Variants in EVA1C observed in about 807,000 individuals in gnomAD.
EVA1C encodes the protein eva-1 homolog C, also known as protein eva-1 homolog C.
EVA1C carries 25 observed loss-of-function variants against 45.4 expected under a neutral mutation model. The ratio of observed to expected loss-of-function variants is 0.55; its 90% CI spans 0.40 to 0.77. EVA1C has a LOEUF of 0.77. Among genes scored for constraint, EVA1C ranks in the 30% least tolerant of loss-of-function variants. The probability of loss-of-function intolerance (pLI) is 0.00; values close to 1 mark genes in which losing one functional copy is unlikely to be tolerated. For synonymous variants in EVA1C, 190 were observed against 221.2 expected (o/e 0.86, Z 1.25); for missense variants, 479 against 554.8 (o/e 0.86, Z 1.37).
intron 1 of EVA1C, among the ~76,000 whole-genome samples, chr21:32,426,227 C>T (rs528834808): frequency 4.6e-5 from 7 of 152,228 alleles, no homozygotes; most frequent in Admixed American, 4.6e-4. Context: ...GACTCTTGGC[C>T]ATCATTAACG....
chr21:32,463,861 C>G (rs1225651466), intron 3 of EVA1C, among the ~76,000 whole-genome samples: 2 of 152,124 alleles, frequency 1.3e-5, no homozygotes, highest in Non-Finnish European at 2.9e-5. Flanking sequence ...CTGCCTTCTC[C>G]CATCCTCTTT....
At chr21:32,511,999 TA>T (rs996764399) in intron 7 of EVA1C, among the ~76,000 whole-genome samples, 2 of 150,882 alleles carry the variant, frequency 1.3e-5, no homozygotes, top group African/African-American at 2.4e-5. Flanking sequence ...GATATTAAAT[TA>T]AAAAAAAACA....
chr21:32,509,315 G>T (rs2037870691), intron 7 of EVA1C, among the ~76,000 whole-genome samples: 1 of 152,206 alleles, frequency 6.6e-6, no homozygotes, highest in African/African-American at 2.4e-5. Flanking sequence ...CATCTCTGGT[G>T]GCTGCATCTC....
chr21:32,488,561 G>A (rs1176572376), intron 4 of EVA1C, among the ~76,000 whole-genome samples: 3 of 150,458 alleles, frequency 2.0e-5, no homozygotes. Flanking sequence ...TAGTGATGTT[G>A]GGCACCTTTC....
At chr21:32,471,405 C>T (rs973755298) in intron 4 of EVA1C, among the ~76,000 whole-genome samples, 24 of 151,288 alleles carry the variant, frequency 1.6e-4, no homozygotes, top group African/African-American at 5.3e-4. Context: ...CGGCTCACTG[C>T]AACCTCCACC....
At position 32,445,107 on chromosome 21, in the gene EVA1C, A is replaced by G. The variant is rs145383992; in HGVS notation, c.161-8205A>G. 2.1e-3 allele frequency among the ~76,000 whole-genome samples: 314 copies of G among 152,302 alleles called. 2 individuals carry two copies. The highest frequency in any genetic ancestry group is 3.6e-3 in the Non-Finnish European group (248 of 68,014). On this transcript the variant is annotated intron_variant, in intron 1 of 7. Coordinates refer to ENST00000300255, the MANE Select transcript of EVA1C (RefSeq NM_058187.5). ...TCCAAAGATAATTTTGAGGGCTTCA[A>G]TATTTAAAGGGGAAAGGATGGATAT...
At chr21:32,461,774 T>C (rs74608258) in intron 3 of EVA1C, among the ~76,000 whole-genome samples, 1,772 of 152,330 alleles carry the variant, frequency 0.012, 108 homozygotes, top group Admixed American at 0.088. Flanking sequence ...TTTTCCCTAA[T>C]GTGCACTATG....
At chr21:32,497,766 T>A (rs928530613) in intron 5 of EVA1C, among the ~76,000 whole-genome samples, 5 of 152,150 alleles carry the variant, frequency 3.3e-5, no homozygotes, top group African/African-American at 1.2e-4. Flanking sequence ...CTCACAGTCA[T>A]GGCGGAAGGC....
rs139850123 is a variant in EVA1C, at chr21:32,469,893, T to TC, written c.634+2046dup. On this transcript the variant is annotated intron_variant, in intron 4 of 7. Coordinates refer to ENST00000300255, the MANE Select transcript of EVA1C (RefSeq NM_058187.5). ...TCTACTGCTTTCAACATCAGTCACA[T>TC]CTTAACACTTTCACAGCAACATCTG... 6.3e-3 allele frequency among the ~76,000 whole-genome samples: 961 copies of TC among 152,306 alleles called. 11 individuals carry two copies. The highest frequency in any genetic ancestry group is 0.022 in the African/African-American group (920 of 41,558).
chr21:32,453,960 G>C (rs899340379), intron 2 of EVA1C, among the ~76,000 whole-genome samples: 1 of 152,214 alleles, frequency 6.6e-6, no homozygotes, highest in African/African-American at 2.4e-5. Context: ...GCTGGGCGCG[G>C]TGGCTCATGC....
chr21:32,469,146 C>T (rs1244455786), intron 4 of EVA1C, among the ~76,000 whole-genome samples: 1 of 152,104 alleles, frequency 6.6e-6, no homozygotes, highest in East Asian at 1.9e-4. Flanking sequence ...AATGGCACAA[C>T]ACAAAGTCTA....
intron 1 of EVA1C, among the ~76,000 whole-genome samples, chr21:32,451,139 T>A (rs753701485): frequency 2.0e-5 from 3 of 152,118 alleles, no homozygotes; most frequent in African/African-American, 7.2e-5. Context: ...GGGAGCTGGA[T>A]TGGGCGCCTG....
intron 1 of EVA1C, among the ~76,000 whole-genome samples, chr21:32,415,307 CTAAA>C (rs1041197421): frequency 3.9e-5 from 6 of 152,114 alleles, no homozygotes; most frequent in African/African-American, 1.2e-4. Flanking sequence ...GCCTGTTTTT[CTAAA>C]TAAAGGGAAC....
intron 4 of EVA1C, among the ~76,000 whole-genome samples, chr21:32,481,399 A>AC (rs1418027169): frequency 7.6e-6 from 1 of 132,238 alleles, no homozygotes; most frequent in African/African-American, 3.3e-5. Flanking sequence ...AAGAAACAGA[A>AC]CCTTTTTTTT....
At chr21:32,446,689 C>T (rs1205875946) in intron 1 of EVA1C, among the ~76,000 whole-genome samples, 2 of 152,178 alleles carry the variant, frequency 1.3e-5, no homozygotes, top group Admixed American at 6.5e-5. Flanking sequence ...TAAGGACAAC[C>T]TTGGCAGCTG....
chr21:32,465,461 C>G (rs943063634), intron 3 of EVA1C, among the ~76,000 whole-genome samples: 1 of 152,118 alleles, frequency 6.6e-6, no homozygotes, highest in Admixed American at 6.5e-5. Flanking sequence ...TGCACCTGTC[C>G]GCTATGTGGT....
intron 7 of EVA1C, among the ~76,000 whole-genome samples, chr21:32,504,618 A>C (rs776959161): frequency 3.3e-5 from 5 of 152,250 alleles, no homozygotes; most frequent in Non-Finnish European, 7.3e-5. Context: ...CTCTCTGCTT[A>C]TCTTAAGATA....
chr21:32,514,261 T>C (rs1299718827), intron 7 of EVA1C, among the ~76,000 whole-genome samples: 9 of 152,166 alleles, frequency 5.9e-5, no homozygotes, highest in Admixed American at 5.9e-4. Context: ...AGAATTAAGT[T>C]TTGCTAACAT....
At chr21:32,473,587 G>A (rs1944698367) in intron 4 of EVA1C, among the ~76,000 whole-genome samples, 1 of 152,214 alleles carries the variant, frequency 6.6e-6, no homozygotes, top group African/African-American at 2.4e-5. Flanking sequence ...TCCCATGGTG[G>A]CACCTCTCTA....
Sources: allele counts gnomAD v4.1 joint callset (sites outside exome capture counted in the v4.1 genomes callset), GRCh38; gene constraint gnomAD v4.1.1; transcripts MANE v1.5; gene names NCBI Gene and HGNC (gene_info 2026-07-23, HGNC 2026-07-21).